The following PPP2R2C variants were observed in gnomAD, a reference collection of about 807,000 sequenced individuals.
The protein encoded by PPP2R2C is protein phosphatase 2 regulatory subunit Bgamma.
Under a neutral mutation model 45.3 loss-of-function variants are expected in PPP2R2C, and 10 were observed. The ratio of observed to expected loss-of-function variants is 0.22; its 90% confidence interval spans 0.14 to 0.37. The LOEUF (loss-of-function observed/expected upper bound fraction) is 0.37, where lower values mean the gene tolerates loss of function less well. PPP2R2C is among the 10% of genes least tolerant of loss of function. The pLI is 1.00. For synonymous variants in PPP2R2C, 257 were observed against 245.4 expected (o/e 1.05, Z -0.44); for missense variants, 308 against 619.7 (o/e 0.50, Z 5.34).
chr4:6,524,189 C>T (rs532535594), intron 2 of PPP2R2C, among the ~76,000 whole-genome samples: 3 of 151,960 alleles, frequency 2.0e-5, no homozygotes, highest in Non-Finnish European at 2.9e-5. Flanking sequence ...CCCAAAGTGC[C>T]GGAATTACAG....
intron 1 of PPP2R2C, among the ~76,000 whole-genome samples, chr4:6,470,628 C>G (rs1192058702): frequency 1.3e-5 from 2 of 152,208 alleles, no homozygotes; most frequent in Non-Finnish European, 2.9e-5. Flanking sequence ...CACGGGCCAG[C>G]AACCCGGCGG....
chr4:6,398,533 G>C (rs1427443547), intron 1 of PPP2R2C, among the ~76,000 whole-genome samples: 1 of 152,126 alleles, frequency 6.6e-6, no homozygotes, highest in Non-Finnish European at 1.5e-5. Context: ...ACAAGACGCA[G>C]ATGCAAATCA....
chr4:6,435,770 C>G (rs1337005722), intron 1 of PPP2R2C, among the ~76,000 whole-genome samples: 3 of 152,182 alleles, frequency 2.0e-5, no homozygotes, highest in Non-Finnish European at 4.4e-5. Flanking sequence ...AGCCCCTTTT[C>G]TCCACTTTGC....
intron 2 of PPP2R2C, among the ~76,000 whole-genome samples, chr4:6,520,348 C>CA (rs969384855): frequency 2.6e-5 from 4 of 151,558 alleles, no homozygotes; most frequent in South Asian, 2.1e-4. Flanking sequence ...GGTCTATACC[C>CA]AAAAAAAGGG....
intron 1 of PPP2R2C, among the ~76,000 whole-genome samples, chr4:6,454,233 C>T (rs73207826): frequency 0.093 from 14,127 of 152,110 alleles, 843 homozygotes; most frequent in Non-Finnish European, 0.13. Flanking sequence ...GGCCAGAGCA[C>T]AGTCTCCTAT....
At chr4:6,371,821 GTTA>G (rs1714850264) in intron 5 of PPP2R2C, among the ~76,000 whole-genome samples, 1 of 152,196 alleles carries the variant, frequency 6.6e-6, no homozygotes, top group Admixed American at 6.5e-5. Context: ...CTCACTGTGT[GTTA>G]TTATAATTAT....
At position 6,342,687 on chromosome 4, in the gene PPP2R2C, T is replaced by A. The variant is rs376741212; in HGVS notation, c.790+5159A>T. On this transcript the variant is annotated intron_variant, in intron 6 of 8. Transcript: ENST00000382599. ...CTGTGCTGTCATAAGCAGAAGTAAC[T>A]GTCTATTTTGAGGACTCATGTACGG... 7.2e-5 allele frequency among the ~76,000 whole-genome samples: 11 copies of A among 152,328 alleles called. No individual in the cohort carries two copies. The East Asian group carries it at 1.5e-3, about 21-fold the overall frequency.
intron 2 of PPP2R2C, among the ~76,000 whole-genome samples, chr4:6,531,656 G>A (rs1724405992): frequency 1.3e-5 from 2 of 151,884 alleles, no homozygotes; most frequent in African/African-American, 2.4e-5. Context: ...TGCAGAGCAG[G>A]TGCTCTGTGA....
At chr4:6,412,351 C>T (rs115919206) in intron 1 of PPP2R2C, among the ~76,000 whole-genome samples, 2,479 of 152,232 alleles carry the variant, frequency 0.016, 43 homozygotes, top group Non-Finnish European at 0.026. Flanking sequence ...TCAAAGTAAC[C>T]CCAGGGGAGG....
rs1181327794 is a variant in PPP2R2C at position 6,414,080 on chromosome 4, G to A, written c.71-32986C>T. 14 of 393,088 alleles carry A rather than the reference G, an allele frequency of 3.6e-5. 1 individual carries two copies. The highest frequency in any genetic ancestry group is 2.9e-4 in the South Asian group (6 of 20,678). The allele number at this position is 393,088 out of a possible 1,614,324, so 24.4% of individuals were successfully genotyped here. On this transcript the variant is annotated intron_variant, in intron 1 of 8. Transcript: ENST00000382599. ...TAACATAAGTTTTGCCTGTGTATGT[G>A]TGTGTGTGTGTGTGTGTGTGTGTGT...
Position 6,409,652 on chromosome 4 carries a change from A to G in PPP2R2C, c.71-28558T>C, listed in dbSNP as rs141502732. Reference sequence around the variant, plus strand: ...GAGGCACAGGAGCACCACAGCTGAGACTCCCTGTGACCACAGATCAGAGGC... The same window carrying G: ...GAGGCACAGGAGCACCACAGCTGAGGCTCCCTGTGACCACAGATCAGAGGC... On this transcript the variant is annotated intron_variant, in intron 1 of 8. Transcript: ENST00000382599. Among the ~76,000 whole-genome samples, 1,026 of 151,776 alleles carry G rather than the reference A, an allele frequency of 6.8e-3. 15 individuals are homozygous for G. The highest frequency in any genetic ancestry group is 0.023 in the African/African-American group (968 of 41,340).
chr4:6,383,028 G>A, intron 1 of PPP2R2C: 1 of 1,078,476 alleles, frequency 9.3e-7, no homozygotes, highest in African/African-American at 1.7e-5. Context: ...CAGGTGACCT[G>A]TTCTCTGCCC....
chr4:6,560,833 G>GTGC (rs1171993235), intron 1 of PPP2R2C, among the ~76,000 whole-genome samples: 1 of 152,256 alleles, frequency 6.6e-6, no homozygotes, highest in Non-Finnish European at 1.5e-5. Flanking sequence ...AGCAGAGCCT[G>GTGC]TGCTGTGAGC....
chr4:6,456,871 T>G (rs1577197530), intron 1 of PPP2R2C, among the ~76,000 whole-genome samples: 2 of 152,320 alleles, frequency 1.3e-5, no homozygotes, highest in East Asian at 3.9e-4. Flanking sequence ...CCACTTGGAA[T>G]GAGTGCAGGC....
At chr4:6,502,830 C>T (rs1051802877) in intron 2 of PPP2R2C, among the ~76,000 whole-genome samples, 1 of 152,138 alleles carries the variant, frequency 6.6e-6, no homozygotes, top group African/African-American at 2.4e-5. Context: ...TCACTGGAGC[C>T]GAAAAACCTT....
Position 6,323,075 on chromosome 4 carries a change from TTTC to T in PPP2R2C, c.*224_*226del, listed in dbSNP as rs1355893962. 2 of 459,910 alleles carry T rather than the reference TTTC, an allele frequency of 4.3e-6. No homozygotes were observed. Among genetic ancestry groups the T allele is most frequent in the Admixed American group, 3.9e-5 (1 of 25,746 alleles). The allele number at this position is 459,910 out of a possible 1,614,324, so 28.5% of individuals were successfully genotyped here. On this transcript the variant is annotated 3_prime_UTR_variant, in exon 9 of 9. Coordinates refer to ENST00000382599, the MANE Select transcript of PPP2R2C (RefSeq NM_020416.4). Reference sequence around the variant, plus strand: ...ATGATTTGTGGCGGTGAACGCTTCCTTTCCTTTTTATTTTTTTAAACAGACAAT... The same window carrying T: ...ATGATTTGTGGCGGTGAACGCTTCCTCTTTTTATTTTTTTAAACAGACAAT...
chr4:6,454,201 G>A (rs1320335421), intron 1 of PPP2R2C, among the ~76,000 whole-genome samples: 1 of 152,152 alleles, frequency 6.6e-6, no homozygotes, highest in African/African-American at 2.4e-5. Context: ...GGCGTCTGTG[G>A]CACACCGTGT....
intron 1 of PPP2R2C, among the ~76,000 whole-genome samples, chr4:6,538,377 C>T (rs1471133446): frequency 2.6e-5 from 4 of 152,212 alleles, no homozygotes; most frequent in Non-Finnish European, 5.9e-5. Flanking sequence ...CAAGTTCCAC[C>T]GACACACAGG....
chr4:6,363,514 G>T (rs1714005994), intron 5 of PPP2R2C, among the ~76,000 whole-genome samples: 2 of 151,992 alleles, frequency 1.3e-5, no homozygotes, highest in African/African-American at 4.8e-5. Context: ...GGGAGGCAGA[G>T]ATTGCAGTGA....
Sources: allele counts gnomAD v4.1 joint callset (sites outside exome capture counted in the v4.1 genomes callset), GRCh38; gene constraint gnomAD v4.1.1; transcripts MANE v1.5; gene names NCBI Gene and HGNC (gene_info 2026-07-23, HGNC 2026-07-21).